PAX2: variants seen among roughly 807,000 people sequenced by gnomAD.
PAX2 encodes the protein paired box protein Pax-2.
Under a neutral mutation model 41.7 loss-of-function variants are expected in PAX2, and 9 were observed. The ratio of observed to expected loss-of-function variants is 0.22; its 90% CI spans 0.13 to 0.38. PAX2 has a LOEUF of 0.38. Among genes scored for constraint, PAX2 ranks in the 10% least tolerant of loss-of-function variants. The probability of loss-of-function intolerance (pLI) is 1.00; values close to 1 mark genes in which losing one functional copy is unlikely to be tolerated. For missense variants in PAX2, 418 were observed against 531.6 expected (o/e 0.79, Z 2.10); for synonymous variants, 221 against 212.7 (o/e 1.04, Z -0.34).
rs11458573 is a variant in PAX2, at chr10:100,814,351, C to CAAAAA, written c.919+5134_919+5138dup. Among the ~76,000 whole-genome samples, 396 of 53,560 alleles carry CAAAAA rather than the reference C, an allele frequency of 7.4e-3. 48 individuals carry two copies. Among genetic ancestry groups the CAAAAA allele is most frequent in the African/African-American group, 0.03 (331 of 11,210 alleles). 35.1% of individuals were successfully genotyped at this position (53,560 alleles called of 152,430 possible). A position where few individuals can be genotyped will look rare whatever the true frequency, so the allele number is the denominator to read the frequency against. ...TGGGCGACACAGCGAGACTCCATCTCAAAAAAAAAAAAAAAAAAAAAAAGA... is the reference window on the plus strand; with the variant it reads ...TGGGCGACACAGCGAGACTCCATCTCAAAAAAAAAAAAAAAAAAAAAAAAAAAAGA... On this transcript the variant is annotated intron_variant, in intron 7 of 9. Coordinates refer to ENST00000355243, the MANE Select transcript of PAX2 (RefSeq NM_000278.5).
In PAX2 at chr10:100,745,640, A is replaced by G; in HGVS notation, c.-621A>G. ...CACCTGGGGCCAGCCCAGAGCTGCC[A>G]GCGCCGCTCGGCTCCCTCCCTCCCT... On this transcript the variant is annotated 5_prime_UTR_variant, in exon 1 of 10. Transcript: ENST00000355243. 5 of 553,710 alleles carry G rather than the reference A, an allele frequency of 9.0e-6. No individual in the cohort carries two copies. The highest frequency in any genetic ancestry group is 1.2e-5 in the Non-Finnish European group (5 of 426,496). 34.3% of individuals were successfully genotyped at this position (553,710 alleles called of 1,614,324 possible). A position where few individuals can be genotyped will look rare whatever the true frequency, so the allele number is the denominator to read the frequency against.
intron 3 of PAX2, among the ~76,000 whole-genome samples, chr10:100,756,218 C>T (rs1170985198): frequency 6.6e-6 from 1 of 152,084 alleles, no homozygotes; most frequent in Non-Finnish European, 1.5e-5. Flanking sequence ...TCCTATGAGC[C>T]CACATGGGAT....
At chr10:100,753,378 G>A (rs2133841956) in intron 3 of PAX2, among the ~76,000 whole-genome samples, 1 of 152,302 alleles carries the variant, frequency 6.6e-6, no homozygotes, top group South Asian at 2.1e-4. Context: ...TCTGAAGAGG[G>A]AAGGTTTATC....
chr10:100,750,631 C>G lies in PAX2; in HGVS notation c.213-63C>G. On this transcript the variant is annotated intron_variant, in intron 2 of 9. Coordinates refer to ENST00000355243, the MANE Select transcript of PAX2 (RefSeq NM_000278.5). The surrounding 1 kb of genome is among the most constrained non-coding windows in gnomAD (Gnocchi z 4.1). ...GAGAGTGGCTCAGCAGCTCTGGAAC[C>G]TGCAGCCCCCCTGCCCCGCCACAGT... is the stretch of plus-strand genomic sequence containing the variant. 1 of 1,439,644 alleles carries G rather than the reference C, an allele frequency of 6.9e-7. No homozygotes were observed. Among genetic ancestry groups the G allele is most frequent in the Non-Finnish European group, 9.7e-7 (1 of 1,028,330 alleles). The allele number at this position is 1,439,644 out of a possible 1,614,324, so 89.2% of individuals were successfully genotyped here. A position where few individuals can be genotyped will look rare whatever the true frequency, so the allele number is the denominator to read the frequency against.
intron 1 of PAX2, chr10:100,749,213 G>C (rs1033578565): frequency 4.0e-6 from 4 of 989,318 alleles, no homozygotes; most frequent in South Asian, 9.4e-5. Context: ...GCAAAGGGGG[G>C]TGTGTGTGTC....
chr10:100,776,076 T>C (rs1270668841), intron 3 of PAX2, among the ~76,000 whole-genome samples: 1 of 152,246 alleles, frequency 6.6e-6, no homozygotes, highest in African/African-American at 2.4e-5. Context: ...AGTCTCTTCC[T>C]CTTCACTGGT....
At chr10:100,742,859 T>G (rs1197745274), upstream of PAX2, among the ~76,000 whole-genome samples, 45 of 91,382 alleles carry the variant, frequency 4.9e-4, no homozygotes, top group African/African-American at 2.0e-3. Flanking sequence ...TTTTTTTTTT[T>G]TTTTTTTTTT....
At position 100,749,921 on chromosome 10, in the gene PAX2, G is replaced by T. The variant is rs745578557; in HGVS notation, c.212+7G>T. ...TCAGCAAAATCCTGGGCAGGTGAGG[G>T]CTTCGCAGCTGTCCCGGGAGACGCC... On this transcript the variant is annotated splice_region_variant and intron_variant, in intron 2 of 9. Coordinates refer to ENST00000355243, the MANE Select transcript of PAX2 (RefSeq NM_000278.5). 2 of 1,610,876 alleles carry T rather than the reference G, an allele frequency of 1.2e-6. No individual in the cohort carries two copies. The highest frequency in any genetic ancestry group is 1.7e-6 in the Non-Finnish European group (2 of 1,179,688).
At chr10:100,769,427 A>C (rs1846131300) in intron 3 of PAX2, among the ~76,000 whole-genome samples, 1 of 152,006 alleles carries the variant, frequency 6.6e-6, no homozygotes, top group African/African-American at 2.4e-5. Context: ...CAGGAGTTTG[A>C]GACCAGCCTG....
Position 100,765,171 on chromosome 10 carries a change from A to G in PAX2, c.410+14280A>G, listed in dbSNP as rs1482129410. On this transcript the variant is annotated intron_variant, in intron 3 of 9. Transcript: ENST00000355243. ...GAAAAAATTACTTTGGGCTTAATCT[A>G]TTTGATGAATGGCTCCAACTAACTG... Among the ~76,000 whole-genome samples, 5 of 152,226 alleles carry G rather than the reference A, an allele frequency of 3.3e-5. No homozygotes were observed. In the East Asian group the frequency reaches 7.7e-4, roughly 23 times the overall value.
At chr10:100,825,598 G>A (rs1362335231) in intron 8 of PAX2, among the ~76,000 whole-genome samples, 1 of 152,212 alleles carries the variant, frequency 6.6e-6, no homozygotes, top group Non-Finnish European at 1.5e-5. Context: ...CACTCAGCCA[G>A]CAACTCACTC....
chr10:100,824,353 T>TACAGATACACACACAC lies in PAX2; in HGVS notation c.920-292_920-291insGATACACACACACACA, dbSNP rs780728141. 1.9e-4 allele frequency among the ~76,000 whole-genome samples: 26 copies of TACAGATACACACACAC among 135,570 alleles called. No individual in the cohort carries two copies. The East Asian group carries it at 5.9e-3, about 31-fold the overall frequency. 88.9% of individuals were successfully genotyped at this position (135,570 alleles called of 152,430 possible). On this transcript the variant is annotated intron_variant, in intron 7 of 9. Coordinates refer to ENST00000355243, the MANE Select transcript of PAX2 (RefSeq NM_000278.5). This position sits in a 1 kb window ranked among gnomAD's most constrained non-coding sequence, Gnocchi z 6.6. ...GCACAGAGACACAGGCAAAGGCAGA[T>TACAGATACACACACAC]ACACACACACACACACACACACACA...
In PAX2 at chr10:100,745,830, G is replaced by T. The variant is rs971017380; in HGVS notation, c.-431G>T. 2.8e-6 allele frequency: 3 copies of T among 1,074,716 alleles called. No homozygotes were observed. In the African/African-American group the frequency reaches 5.0e-5, roughly 18 times the overall value. The allele number at this position is 1,074,716 out of a possible 1,614,324, so 66.6% of individuals were successfully genotyped here. A position where few individuals can be genotyped will look rare whatever the true frequency, so the allele number is the denominator to read the frequency against. On this transcript the variant is annotated 5_prime_UTR_variant, in exon 1 of 10. Transcript: ENST00000355243. ...CTTGGAGAGGCCCGGCTCCCCTCCC[G>T]GCGCCCTCTGACCGCCCCCGCCCCG...
In PAX2 at chr10:100,759,980, A is replaced by C. The variant is rs944007311; in HGVS notation, c.410+9089A>C. On this transcript the variant is annotated intron_variant, in intron 3 of 9. Transcript: ENST00000355243. ...GCAGGCAGCTTCTGGCCTGCAGGAC[A>C]TGGAGGCGGTCAGGAAGGAGACACT... Among the ~76,000 whole-genome samples the C allele has an allele frequency of 1.1e-4, 17 of 152,180 alleles. No homozygotes were observed. In the East Asian group the frequency reaches 3.1e-3, roughly 28 times the overall value.
chr10:100,806,746 A>G, intron 6 of PAX2, 141 bp downstream of exon 6: 1 of 791,126 alleles, frequency 1.3e-6, no homozygotes, highest in Non-Finnish European at 2.2e-6. Flanking sequence ...TGCAGTGTGA[A>G]CAGGCTCACA....
intron 3 of PAX2, among the ~76,000 whole-genome samples, chr10:100,769,438 G>C (rs1364642737): frequency 6.6e-6 from 1 of 151,844 alleles, no homozygotes; most frequent in Non-Finnish European, 1.5e-5. Context: ...GACCAGCCTG[G>C]CCAACATGGT....
intron 5 of PAX2, among the ~76,000 whole-genome samples, chr10:100,793,755 G>A (rs1022560069): frequency 1.3e-5 from 2 of 152,096 alleles, no homozygotes; most frequent in Admixed American, 6.5e-5. Flanking sequence ...TGTGTAAATC[G>A]GTAGGATACT....
intron 3 of PAX2, among the ~76,000 whole-genome samples, chr10:100,760,419 G>A (rs1845794993): frequency 6.6e-6 from 1 of 152,182 alleles, no homozygotes; most frequent in African/African-American, 2.4e-5. Flanking sequence ...TCAATGAACG[G>A]GGGTTCTGAA....
In PAX2 at chr10:100,746,235, C is replaced by A; in HGVS notation, c.-26C>A. 6.2e-7 allele frequency: 1 copy of A among 1,613,338 alleles called. No homozygotes were observed. The highest frequency in any genetic ancestry group is 8.5e-7 in the Non-Finnish European group (1 of 1,179,780). On this transcript the variant is annotated 5_prime_UTR_variant, in exon 1 of 10. Coordinates refer to ENST00000355243, the MANE Select transcript of PAX2 (RefSeq NM_000278.5). ...AGAGGCGACACGGCGGCGGCGGCCG[C>A]GCTGCTCCCGCTCCTCTGCCTCCCC... is the stretch of plus-strand genomic sequence containing the variant.
Sources: gnomAD v4.1 joint callset for allele counts (sites outside exome capture counted in the v4.1 genomes callset) on GRCh38, gnomAD v4.1.1 for gene constraint, Gnocchi (gnomAD v3.1) non-coding constraint, MANE v1.5 for transcripts, NCBI Gene and HGNC (gene_info 2026-07-23, HGNC 2026-07-21) for gene names.